The following UNC13C variants were observed in gnomAD, a reference collection of about 807,000 sequenced individuals.
UNC13C encodes the protein unc-13 homolog C.
Under a neutral mutation model 245.4 loss-of-function variants are expected in UNC13C, and 174 were observed. That is an observed-to-expected ratio of 0.71 (90% confidence interval 0.63 to 0.80). UNC13C has a LOEUF of 0.80. UNC13C is among the 30% of genes least tolerant of loss of function. UNC13C has a pLI of 0.00. For missense variants in UNC13C, 2,829 were observed against 2,602.9 expected (o/e 1.09, Z -1.89); for synonymous variants, 992 against 895.1 (o/e 1.11, Z -1.93).
intron 2 of UNC13C, among the ~76,000 whole-genome samples, chr15:54,046,009 T>C (rs963891145): frequency 3.3e-5 from 5 of 152,210 alleles, no homozygotes; most frequent in African/African-American, 9.6e-5. Flanking sequence ...CTCATCCATT[T>C]CTATCATTTC....
chr15:54,188,446 C>A (rs955116273), intron 4 of UNC13C, among the ~76,000 whole-genome samples: 2 of 152,010 alleles, frequency 1.3e-5, no homozygotes, highest in African/African-American at 4.8e-5. Flanking sequence ...TGAATAATTA[C>A]ATACAAAGAT....
chr15:54,488,826 A>C (rs1451637545), intron 19 of UNC13C, among the ~76,000 whole-genome samples: 1 of 152,154 alleles, frequency 6.6e-6, no homozygotes, highest in African/African-American at 2.4e-5. Flanking sequence ...TTGGAAAACT[A>C]ATTAAATGTT....
chr15:54,209,975 GA>G (rs1351822561), intron 4 of UNC13C, among the ~76,000 whole-genome samples: 1 of 151,756 alleles, frequency 6.6e-6, no homozygotes, highest in Non-Finnish European at 1.5e-5. Context: ...CATAACTACT[GA>G]ATATTTTTGA....
At chr15:53,965,933 A>G in the UNC13C span, among the ~76,000 whole-genome samples, 1 of 152,138 alleles carries the variant, frequency 6.6e-6, no homozygotes, top group African/African-American at 2.4e-5. Flanking sequence ...TCCATGGTGT[A>G]TATGTGCCAC....
rs150472239 is a variant in UNC13C, at chr15:54,515,082, T to C, written c.5457+3252T>C. On this transcript the variant is annotated intron_variant, in intron 24 of 32. Coordinates refer to ENST00000260323, the MANE Select transcript of UNC13C (RefSeq NM_001080534.3). ...ACATCTCTGATTCCTCTAGAGAATA[T>C]ATAAAAAAAAATCTCACAAACCACG... is the stretch of plus-strand genomic sequence containing the variant. Among the ~76,000 whole-genome samples the C allele has an allele frequency of 1.0e-2, 1,516 of 152,010 alleles. 28 individuals carry two copies. The highest frequency in any genetic ancestry group is 0.034 in the African/African-American group (1,418 of 41,350).
At chr15:54,492,434 T>G (rs546815884) in intron 19 of UNC13C, among the ~76,000 whole-genome samples, 1 of 152,184 alleles carries the variant, frequency 6.6e-6, no homozygotes, top group African/African-American at 2.4e-5. Context: ...CTATTGACCA[T>G]TTTAACATTA....
intron 30 of UNC13C, among the ~76,000 whole-genome samples, chr15:54,610,268 C>T (rs1027629257): frequency 3.3e-5 from 5 of 152,030 alleles, no homozygotes; most frequent in African/African-American, 1.2e-4. Context: ...TGGAGTCTTG[C>T]TCTGTCGCCC....
rs144746637 is a variant in UNC13C, at chr15:54,146,295, C to T, written c.3071+2611C>T. Among the ~76,000 whole-genome samples, 384 of 152,268 alleles carry T rather than the reference C, an allele frequency of 2.5e-3. 2 individuals are homozygous for T. The East Asian group carries it at 0.041, about 16-fold the overall frequency. ...TCTATTACAATGCTGCTAAATCTTT[C>T]ACTTTTCTACCTTCGCCATCCCCAA... On this transcript the variant is annotated intron_variant, in intron 4 of 32. Transcript: ENST00000260323.
At chr15:53,859,613 A>G in the UNC13C span, among the ~76,000 whole-genome samples, 3 of 147,084 alleles carry the variant, frequency 2.0e-5, no homozygotes, top group South Asian at 2.2e-4. Flanking sequence ...AGAATGATTT[A>G]TAAAATAAGT....
chr15:54,378,845 A>G (rs1305619931), intron 17 of UNC13C, among the ~76,000 whole-genome samples: 1 of 152,044 alleles, frequency 6.6e-6, no homozygotes, highest in Non-Finnish European at 1.5e-5. Context: ...AGTTTAATTA[A>G]CTATGTACAG....
intron 4 of UNC13C, among the ~76,000 whole-genome samples, chr15:54,229,197 C>T (rs4325493): frequency 6.6e-6 from 1 of 152,214 alleles, no homozygotes; most frequent in African/African-American, 2.4e-5. Context: ...CACTCAGATT[C>T]TCTTTCCATG....
In UNC13C at chr15:54,365,757, A is replaced by G. The variant is rs1306457356; in HGVS notation, c.4713+27268A>G. ...GGCACTGCTCCCCGCTCAAAAAGAA[A>G]AAAAGAAAAAAAAAAAAACTTGACC... On this transcript the variant is annotated intron_variant, in intron 17 of 32. Transcript: ENST00000260323. Among the ~76,000 whole-genome samples, 9 of 150,544 alleles carry G rather than the reference A, an allele frequency of 6.0e-5. No individual in the cohort carries two copies. In the Admixed American group the frequency reaches 6.0e-4, roughly 10 times the overall value.
chr15:54,483,500 T>C (rs2141067957), intron 19 of UNC13C, among the ~76,000 whole-genome samples: 1 of 152,274 alleles, frequency 6.6e-6, no homozygotes, highest in African/African-American at 2.4e-5. Context: ...TCTTTTCTTT[T>C]CTTTTCTTTT....
chr15:53,898,097 A>G, the UNC13C span, among the ~76,000 whole-genome samples: 1 of 152,138 alleles, frequency 6.6e-6, no homozygotes, highest in African/African-American at 2.4e-5. Context: ...CCATGCTGAT[A>G]GTTCAATATA....
At chr15:54,325,326 G>A (rs2038271152) in intron 14 of UNC13C, among the ~76,000 whole-genome samples, 1 of 151,908 alleles carries the variant, frequency 6.6e-6, no homozygotes, top group Admixed American at 6.6e-5. Context: ...AAGGAAATGT[G>A]GTCAAATACC....
At chr15:54,415,416 G>T (rs1388276422) in intron 19 of UNC13C, among the ~76,000 whole-genome samples, 1 of 152,190 alleles carries the variant, frequency 6.6e-6, no homozygotes, top group Admixed American at 6.6e-5. Context: ...TGTCTACGTG[G>T]ACTTGGAAAT....
intron 2 of UNC13C, among the ~76,000 whole-genome samples, chr15:54,038,769 A>G (rs1269257918): frequency 2.6e-5 from 4 of 152,218 alleles, no homozygotes; most frequent in African/African-American, 4.8e-5. Context: ...TTATGTTTCA[A>G]TTTAGAATCC....
chr15:54,300,660 C>A lies in UNC13C; in HGVS notation c.4268+287C>A, dbSNP rs115101765. Among the ~76,000 whole-genome samples the A allele has an allele frequency of 8.4e-3, 1,284 of 152,210 alleles. 23 individuals carry two copies. Among genetic ancestry groups the A allele is most frequent in the African/African-American group, 0.03 (1,243 of 41,534 alleles). ...AGCAATGCAAATTATCCACCCCATC[C>A]CAGACCTACTGAATCAGAAACTCTG... On this transcript the variant is annotated intron_variant, in intron 13 of 32. Coordinates refer to ENST00000260323, the MANE Select transcript of UNC13C (RefSeq NM_001080534.3).
chr15:54,224,693 A>G (rs2035324630), intron 4 of UNC13C, among the ~76,000 whole-genome samples: 2 of 152,064 alleles, frequency 1.3e-5, no homozygotes, highest in Non-Finnish European at 2.9e-5. Flanking sequence ...CTCCTACATT[A>G]TTTCTCAGAG....
Sources: allele counts gnomAD v4.1 joint callset (sites outside exome capture counted in the v4.1 genomes callset), GRCh38; gene constraint gnomAD v4.1.1; transcripts MANE v1.5; gene names NCBI Gene and HGNC (gene_info 2026-07-23, HGNC 2026-07-21).